The following SLC27A6 variants were observed in gnomAD, a reference collection of about 807,000 sequenced individuals.
The protein encoded by SLC27A6 is solute carrier family 27 member 6, also known as long-chain fatty acid transport protein 6.
In SLC27A6, 74 loss-of-function variants were observed where a neutral mutation model predicts 63.9. That is an observed-to-expected ratio of 1.16 (90% CI 0.96 to 1.40). The LOEUF (loss-of-function observed/expected upper bound fraction) is 1.40, where lower values mean the gene tolerates loss of function less well. Among genes scored for constraint, SLC27A6 ranks in the 40% most tolerant of loss-of-function variants. The pLI, the probability that SLC27A6 is intolerant of heterozygous loss-of-function variation, is 0.00. For missense variants in SLC27A6, 794 were observed against 732.9 expected (o/e 1.08, Z -0.96); for synonymous variants, 287 against 260.8 (o/e 1.10, Z -0.97).
Position 128,966,023 on chromosome 5 carries a change from T to G in SLC27A6, c.-115T>G. ...CGCCCCGGAAAAGCTGACAAGAACT[T>G]CAGGTGTAAGCCCTGAGTAGTGAGG... On this transcript the variant is annotated 5_prime_UTR_variant, in exon 1 of 10. Transcript: ENST00000262462. The G allele has an allele frequency of 8.0e-7, 1 of 1,253,554 alleles. No homozygotes were observed. Among genetic ancestry groups the G allele is most frequent in the Non-Finnish European group, 1.1e-6 (1 of 939,654 alleles). 77.7% of individuals were successfully genotyped at this position (1,253,554 alleles called of 1,614,324 possible). A position where few individuals can be genotyped will look rare whatever the true frequency, so the allele number is the denominator to read the frequency against.
chr5:128,970,790 C>G (rs962047012), intron 1 of SLC27A6, among the ~76,000 whole-genome samples: 4 of 143,570 alleles, frequency 2.8e-5, no homozygotes, highest in Admixed American at 6.9e-5. Context: ...TTATTTCTTG[C>G]CTTCTGCTAG....
Position 129,028,427 on chromosome 5 carries a change from G to A in SLC27A6, c.1537G>A (p.Gly513Ser). ...LDFIQEANVYGVAISGYEGRA... is the reference protein window; with the variant it reads ...LDFIQEANVYSVAISGYEGRA... ...TTTCATACAGGAAGCAAACGTCTAT[G>A]GTGTGGCTATATCAGGTATAAATAT... The change falls in exon 8 of 10, where the codon GGT becomes AGT. Residue 513 changes from glycine (G) to serine (S), a missense_variant. Coordinates refer to ENST00000262462, the MANE Select transcript of SLC27A6 (RefSeq NM_001017372.3). The A allele has an allele frequency of 6.3e-7, 1 of 1,596,866 alleles. No homozygotes were observed. The highest frequency in any genetic ancestry group is 8.6e-7 in the Non-Finnish European group (1 of 1,165,794).
chr5:129,016,788 C>T (rs1265376948), intron 5 of SLC27A6, among the ~76,000 whole-genome samples: 1 of 152,070 alleles, frequency 6.6e-6, no homozygotes, highest in East Asian at 1.9e-4. Flanking sequence ...CAATTCTATA[C>T]AGGCTTTTAA....
At chr5:128,996,136 A>T (rs952334761) in intron 4 of SLC27A6, among the ~76,000 whole-genome samples, 1 of 152,184 alleles carries the variant, frequency 6.6e-6, no homozygotes, top group African/African-American at 2.4e-5. Context: ...ACAGGACCTA[A>T]TTAACAAAGC....
At chr5:129,001,225 A>T (rs1751321475) in intron 4 of SLC27A6, among the ~76,000 whole-genome samples, 2 of 152,146 alleles carry the variant, frequency 1.3e-5, no homozygotes, top group Non-Finnish European at 2.9e-5. Context: ...AAAGAAGTGC[A>T]TACTCTCTCC....
rs73242038 is a variant in SLC27A6, at chr5:128,981,515, A to G, written c.482-3618A>G. Among the ~76,000 whole-genome samples the G allele has an allele frequency of 6.8e-3, 1,028 of 151,482 alleles. 14 individuals carry two copies. Among genetic ancestry groups the G allele is most frequent in the African/African-American group, 0.024 (973 of 41,332 alleles). On this transcript the variant is annotated intron_variant, in intron 1 of 9. Transcript: ENST00000262462. The stretch of plus-strand genomic sequence containing the variant: ...AAAGAAAAAAAAATCCAGTTGTCTC[A>G]TTTTCCTGCAGTAGTTTACGATCAA...
chr5:128,996,512 T>C (rs1402999316), intron 4 of SLC27A6, among the ~76,000 whole-genome samples: 1 of 152,200 alleles, frequency 6.6e-6, no homozygotes, highest in Non-Finnish European at 1.5e-5. Context: ...TTTTAAACTT[T>C]ACAAATTGTG....
chr5:128,983,145 A>G (rs1452642556), intron 1 of SLC27A6, among the ~76,000 whole-genome samples: 1 of 152,202 alleles, frequency 6.6e-6, no homozygotes, highest in Non-Finnish European at 1.5e-5. Context: ...GAAATGTTTA[A>G]TGCAGAACTC....
At chr5:129,016,155 C>T (rs554002291) in intron 5 of SLC27A6, 76 bp downstream of exon 5, 30 of 1,033,568 alleles carry the variant, frequency 2.9e-5, no homozygotes, top group East Asian at 5.2e-5. Flanking sequence ...CACTTTGGGA[C>T]GCCGAGGTGG....
intron 4 of SLC27A6, among the ~76,000 whole-genome samples, chr5:129,008,919 T>A (rs904828183): frequency 2.0e-5 from 3 of 147,384 alleles, no homozygotes; most frequent in African/African-American, 7.6e-5. Context: ...CAGGCTGGAG[T>A]GCAGTGGTGC....
intron 4 of SLC27A6, among the ~76,000 whole-genome samples, chr5:128,999,048 C>T (rs1055578366): frequency 6.6e-6 from 1 of 152,090 alleles, no homozygotes; most frequent in Non-Finnish European, 1.5e-5. Context: ...GCCTAACCAA[C>T]AACCATGTCT....
At position 128,966,231 on chromosome 5, in the gene SLC27A6, T is replaced by C; in HGVS notation, c.94T>C (p.Trp32Arg). The C allele has an allele frequency of 6.2e-7, 1 of 1,613,052 alleles. No homozygotes were observed. The highest frequency in any genetic ancestry group is 8.5e-7 in the Non-Finnish European group (1 of 1,179,422). Residue 32 changes from tryptophan (W) to arginine (R), a missense_variant, in exon 1 of 10, where the codon TGG becomes CGG. By Grantham distance (101) the Trp-to-Arg change is moderately radical (BLOSUM62 -3). Transcript: ENST00000262462. The part of the protein sequence containing the change: ...LLFPYFWDDF[W>R]FVLKVVLIII... Reference sequence around the variant, plus strand: ...GTTCCCTTACTTTTGGGATGACTTCTGGTTCGTGTTGAAGGTGGTGCTCAT... The same window carrying C: ...GTTCCCTTACTTTTGGGATGACTTCCGGTTCGTGTTGAAGGTGGTGCTCAT...
intron 1 of SLC27A6, among the ~76,000 whole-genome samples, chr5:128,984,409 A>G (rs1750715129): frequency 6.6e-6 from 1 of 152,178 alleles, no homozygotes. Flanking sequence ...GCAAATCAGG[A>G]AGGTCTGGTT....
At chr5:129,032,836 T>C (rs1017509295) in intron 9 of SLC27A6, among the ~76,000 whole-genome samples, 13 of 152,034 alleles carry the variant, frequency 8.6e-5, no homozygotes, top group African/African-American at 3.1e-4. Context: ...ATAACCTATG[T>C]ATTTTAGACA....
At chr5:128,980,739 T>C (rs1160248332) in intron 1 of SLC27A6, among the ~76,000 whole-genome samples, 1 of 152,212 alleles carries the variant, frequency 6.6e-6, no homozygotes, top group Non-Finnish European at 1.5e-5. Flanking sequence ...TGTAGCTGAA[T>C]ACCATATTAG....
At chr5:129,030,950 C>T (rs372111009) in intron 9 of SLC27A6, among the ~76,000 whole-genome samples, 2 of 151,904 alleles carry the variant, frequency 1.3e-5, no homozygotes, top group Non-Finnish European at 2.9e-5. Context: ...ACAACCATAG[C>T]GAGCTCCCTC....
At chr5:128,982,736 G>T (rs2150132873) in intron 1 of SLC27A6, among the ~76,000 whole-genome samples, 1 of 152,272 alleles carries the variant, frequency 6.6e-6, no homozygotes, top group Non-Finnish European at 1.5e-5. Context: ...CATCCTTGGT[G>T]ATTTTTCACA....
chr5:128,967,863 T>C (rs1329221761), intron 1 of SLC27A6, among the ~76,000 whole-genome samples: 1 of 152,134 alleles, frequency 6.6e-6, no homozygotes, highest in East Asian at 1.9e-4. Context: ...CTGCACCCAT[T>C]AACTCATCAT....
At chr5:129,009,237 A>G (rs1751643791) in intron 4 of SLC27A6, among the ~76,000 whole-genome samples, 1 of 152,200 alleles carries the variant, frequency 6.6e-6, no homozygotes, top group Non-Finnish European at 1.5e-5. Context: ...GATAAGAAAT[A>G]TCTCTGCATT....
Sources: allele counts gnomAD v4.1 joint callset (sites outside exome capture counted in the v4.1 genomes callset), GRCh38; gene constraint gnomAD v4.1.1; transcripts MANE v1.5; gene names NCBI Gene and HGNC (gene_info 2026-07-23, HGNC 2026-07-21).